Variants in PCMTD1 observed in about 807,000 individuals in gnomAD.
The protein encoded by PCMTD1 is protein-L-isoaspartate (D-aspartate) O-methyltransferase domain containing 1.
PCMTD1 carries 12 observed loss-of-function variants against 37.6 expected under a neutral mutation model. That is an observed-to-expected ratio of 0.32 (90% CI 0.20 to 0.52). The LOEUF (loss-of-function observed/expected upper bound fraction) is 0.52, where lower values mean the gene tolerates loss of function less well. PCMTD1 is among the 20% of genes least tolerant of loss of function. The pLI is 0.97. For synonymous variants in PCMTD1, 117 were observed against 135.8 expected (o/e 0.86, Z 0.96); for missense variants, 235 against 421.3 (o/e 0.56, Z 3.87).
intron 2 of PCMTD1, chr8:51,848,978 T>G (rs2038263973): frequency 1.3e-5 from 2 of 152,088 alleles, no homozygotes; most frequent in East Asian, 1.9e-4. Flanking sequence ...TCTCATTTAT[T>G]TAGAATGTGA....
intron 1 of PCMTD1, among the ~76,000 whole-genome samples, chr8:51,882,244 C>CAAA (rs1365806337): frequency 6.6e-6 from 1 of 152,154 alleles, no homozygotes; most frequent in South Asian, 2.1e-4. Flanking sequence ...CTTCTTTGTA[C>CAAA]ACACAAAAAA....
At chr8:51,877,755 G>GA (rs2038733650) in intron 1 of PCMTD1, among the ~76,000 whole-genome samples, 1 of 152,020 alleles carries the variant, frequency 6.6e-6, no homozygotes, top group African/African-American at 2.4e-5. Flanking sequence ...AACTAAGGGG[G>GA]AAAAAGATAC....
In PCMTD1 at chr8:51,817,703, TTAC is replaced by T. The variant is rs769402550; in HGVS notation, c.*2645_*2647del. ...ATCAACACACTTTTTGTATTTTATT[TTAC>T]TACTATGTATGCTATTTTAATAACA... On this transcript the variant is annotated 3_prime_UTR_variant, in exon 6 of 6. Coordinates refer to ENST00000522514, the MANE Select transcript of PCMTD1 (RefSeq NM_052937.4). 13 of 292,902 alleles carry T rather than the reference TTAC, an allele frequency of 4.4e-5. No homozygotes were observed. The highest frequency in any genetic ancestry group is 1.1e-4 in the African/African-American group (5 of 44,604). 18.1% of individuals were successfully genotyped at this position (292,902 alleles called of 1,614,324 possible).
At chr8:51,826,938 G>A (rs1472583463) in intron 5 of PCMTD1, 1 of 890,502 alleles carries the variant, frequency 1.1e-6, no homozygotes, top group Non-Finnish European at 1.3e-6. Flanking sequence ...CTCCACTTTA[G>A]TAAGTTGTTT....
At chr8:51,881,322 T>C (rs542849774) in intron 1 of PCMTD1, among the ~76,000 whole-genome samples, 2 of 152,316 alleles carry the variant, frequency 1.3e-5, no homozygotes, top group South Asian at 4.1e-4. Context: ...GCAATATCTC[T>C]TGTGTTTATT....
chr8:51,825,724 A>T (rs72639731), intron 5 of PCMTD1, among the ~76,000 whole-genome samples: 29 of 30,340 alleles, frequency 9.6e-4, no homozygotes, highest in Non-Finnish European at 5.9e-3. Flanking sequence ...AAAAAAAAAA[A>T]AAGATATTTA....
At chr8:51,848,828 T>G (rs1235343708) in intron 2 of PCMTD1, 4 of 152,146 alleles carry the variant, frequency 2.6e-5, no homozygotes, top group African/African-American at 7.2e-5. Context: ...TAGATGAAAC[T>G]GTTTAATTTT....
chr8:51,863,506 G>A (rs1017642386), intron 1 of PCMTD1, among the ~76,000 whole-genome samples: 1 of 152,202 alleles, frequency 6.6e-6, no homozygotes, highest in African/African-American at 2.4e-5. Flanking sequence ...ACCCAGGCCA[G>A]GTGCAGTGGC....
upstream of PCMTD1, chr8:51,899,115 C>A (rs1447607015): frequency 7.0e-7 from 1 of 1,437,926 alleles, no homozygotes. Context: ...CGGGCATGCG[C>A]AGAGAACCAC....
intron 2 of PCMTD1, among the ~76,000 whole-genome samples, chr8:51,855,138 C>T (rs2038365336): frequency 6.9e-6 from 1 of 145,060 alleles, no homozygotes; most frequent in South Asian, 2.2e-4. Context: ...CATGCCATTG[C>T]ACTCCAGCCT....
chr8:51,862,374 T>A (rs62499407), intron 1 of PCMTD1, among the ~76,000 whole-genome samples: 9 of 119,140 alleles, frequency 7.6e-5, no homozygotes, highest in South Asian at 2.9e-4. Flanking sequence ...ACACACACAC[T>A]CACACACACA....
chr8:51,833,726 A>G (rs891311704), intron 3 of PCMTD1, 37 bp from the exon 4 acceptor site: 1 of 1,567,038 alleles, frequency 6.4e-7, no homozygotes, highest in Non-Finnish European at 8.7e-7. Flanking sequence ...TCAATTAAGC[A>G]AAACATTAGA....
chr8:51,855,202 A>C (rs1400581904), intron 2 of PCMTD1, among the ~76,000 whole-genome samples: 1 of 142,032 alleles, frequency 7.0e-6, no homozygotes, highest in African/African-American at 2.6e-5. Context: ...AACAAAAAAA[A>C]AACATAATTT....
intron 1 of PCMTD1, among the ~76,000 whole-genome samples, chr8:51,886,167 TG>T (rs2038861997): frequency 6.6e-6 from 1 of 152,230 alleles, no homozygotes; most frequent in Non-Finnish European, 1.5e-5. Context: ...TCCAACATAT[TG>T]CCGAAGAGAC....
chr8:51,841,873 T>G (rs1341790900), intron 3 of PCMTD1, among the ~76,000 whole-genome samples: 1 of 152,158 alleles, frequency 6.6e-6, no homozygotes, highest in East Asian at 1.9e-4. Context: ...AGACTACAGC[T>G]CGTAAACAGA....
intron 1 of PCMTD1, among the ~76,000 whole-genome samples, chr8:51,881,175 C>G (rs1585850288): frequency 6.6e-6 from 1 of 152,216 alleles, no homozygotes; most frequent in African/African-American, 2.4e-5. Context: ...GATCATGGAA[C>G]AAGCCAATAA....
chr8:51,835,682 A>C (rs1427939318), intron 3 of PCMTD1, among the ~76,000 whole-genome samples: 1 of 152,206 alleles, frequency 6.6e-6, no homozygotes, highest in Non-Finnish European at 1.5e-5. Flanking sequence ...AATAATTAAA[A>C]ATTTTTGAAT....
At chr8:51,833,721 T>A (rs2038028510) in intron 3 of PCMTD1, 32 bp from the exon 4 acceptor site, 2 of 1,580,914 alleles carry the variant, frequency 1.3e-6, no homozygotes, top group Non-Finnish European at 1.7e-6. Flanking sequence ...TTAATTCAAT[T>A]AAGCAAAACA....
At chr8:51,861,650 C>T (rs1483005129) in intron 1 of PCMTD1, among the ~76,000 whole-genome samples, 1 of 151,992 alleles carries the variant, frequency 6.6e-6, no homozygotes, top group Non-Finnish European at 1.5e-5. Context: ...CCATACTGGA[C>T]AGTGCTGCTC....
Sources: gnomAD v4.1 joint callset for allele counts (sites outside exome capture counted in the v4.1 genomes callset) on GRCh38, gnomAD v4.1.1 for gene constraint, MANE v1.5 for transcripts, NCBI Gene and HGNC (gene_info 2026-07-23, HGNC 2026-07-21) for gene names.